The following RAB3C variants were observed in gnomAD, a reference collection of about 807,000 sequenced individuals.
RAB3C encodes ras-related protein Rab-3C.
RAB3C carries 17 observed loss-of-function variants against 26.4 expected under a neutral mutation model. The observed-to-expected ratio is 0.64, with a 90% confidence interval of 0.44 to 0.97. RAB3C has a LOEUF of 0.97. RAB3C is among the 50% of genes least tolerant of loss of function. The probability of loss-of-function intolerance (pLI) is 0.00; values close to 1 mark genes in which losing one functional copy is unlikely to be tolerated. For missense variants in RAB3C, 242 were observed against 281.9 expected (o/e 0.86, Z 1.01); for synonymous variants, 91 against 95.9 (o/e 0.95, Z 0.30).
At chr5:58,822,534 C>T (rs181654074) in intron 3 of RAB3C, 5 of 190,232 alleles carry the variant, frequency 2.6e-5, no homozygotes, top group Non-Finnish European at 5.7e-5. Context: ...AAGAATGAGG[C>T]CTATTTAAGA....
intron 4 of RAB3C, among the ~76,000 whole-genome samples, chr5:58,839,349 T>TTTATTTATTTATTTA (rs60911473): frequency 3.9e-4 from 39 of 98,854 alleles, no homozygotes; most frequent in African/African-American, 9.9e-4. Flanking sequence ...TAAGTTTTTA[T>TTTATTTATTTATTTA]TTTATTTATT....
At chr5:58,750,837 CCCT>C (rs1480441313) in intron 3 of RAB3C, among the ~76,000 whole-genome samples, 1 of 151,800 alleles carries the variant, frequency 6.6e-6, no homozygotes, top group African/African-American at 2.4e-5. Flanking sequence ...CTTCCTCCCT[CCCT>C]CATTTCCTTC....
chr5:58,843,669 A>G (rs1579949681), intron 4 of RAB3C, among the ~76,000 whole-genome samples: 1 of 152,220 alleles, frequency 6.6e-6, no homozygotes, highest in South Asian at 2.1e-4. Flanking sequence ...TTTCAGAAAT[A>G]TGTCTTTCCT....
intron 2 of RAB3C, among the ~76,000 whole-genome samples, chr5:58,693,075 C>T (rs765283792): frequency 2.7e-5 from 4 of 149,462 alleles, no homozygotes; most frequent in Non-Finnish European, 5.9e-5. Context: ...CTATTGCACT[C>T]CAGCCTGGGC....
chr5:58,793,429 C>T lies in RAB3C; in HGVS notation c.372-31609C>T, dbSNP rs534051749. ...AAAATTAGCTGGGCGTGGTGGCACACGCCTGTAGTCCCAGCTACTCAGGAG... is the reference window on the plus strand; with the variant it reads ...AAAATTAGCTGGGCGTGGTGGCACATGCCTGTAGTCCCAGCTACTCAGGAG... On this transcript the variant is annotated intron_variant, in intron 3 of 4. Coordinates refer to ENST00000282878, the MANE Select transcript of RAB3C (RefSeq NM_138453.4). Among the ~76,000 whole-genome samples, 5 of 151,668 alleles carry T rather than the reference C, an allele frequency of 3.3e-5. 1 individual carries two copies. The highest frequency in any genetic ancestry group is 4.2e-4 in the South Asian group (2 of 4,808).
At chr5:58,806,010 C>A (rs1157150038) in intron 3 of RAB3C, among the ~76,000 whole-genome samples, 1 of 152,186 alleles carries the variant, frequency 6.6e-6, no homozygotes, top group Admixed American at 6.5e-5. Context: ...TAGACAGATT[C>A]TTTGTAGCCA....
In RAB3C at chr5:58,722,664, A is replaced by T. The variant is rs576205334; in HGVS notation, c.253-3338A>T. ...CAGTCTTTTGAAGTTTGGTCCTGGC[A>T]TTTTATCCATATTGTCTACCTTTCT... On this transcript the variant is annotated intron_variant, in intron 2 of 4. Transcript: ENST00000282878. Among the ~76,000 whole-genome samples, 16 of 151,894 alleles carry T rather than the reference A, an allele frequency of 1.1e-4. No homozygotes were observed. In the South Asian group the frequency reaches 3.3e-3, roughly 31 times the overall value.
intron 2 of RAB3C, among the ~76,000 whole-genome samples, chr5:58,652,719 G>C (rs551586001): frequency 1.1e-4 from 16 of 150,278 alleles, no homozygotes; most frequent in Non-Finnish European, 7.4e-5. Flanking sequence ...AAAAACAAGA[G>C]AAAAGATGAA....
chr5:58,854,628 A>G lies in RAB3C; in HGVS notation c.*3277A>G, dbSNP rs1417761384. The G allele has an allele frequency of 6.6e-6, 1 of 152,170 alleles. No homozygotes were observed. 9.4% of individuals were successfully genotyped at this position (152,170 alleles called of 1,614,324 possible). A position where few individuals can be genotyped will look rare whatever the true frequency, so the allele number is the denominator to read the frequency against. On this transcript the variant is annotated 3_prime_UTR_variant, in exon 5 of 5. Coordinates refer to ENST00000282878, the MANE Select transcript of RAB3C (RefSeq NM_138453.4). ...CAACTGCCTTGATGAACTTCTAATG[A>G]CTGTGAAAGCTAGGAGGTTCTTCTA...
At chr5:58,714,250 T>TAA (rs1749122323) in intron 2 of RAB3C, among the ~76,000 whole-genome samples, 1 of 152,122 alleles carries the variant, frequency 6.6e-6, no homozygotes, top group Non-Finnish European at 1.5e-5. Context: ...AGATAGTGAT[T>TAA]AAAATGGAAC....
chr5:58,591,967 C>T (rs1307807710), intron 1 of RAB3C, among the ~76,000 whole-genome samples: 2 of 148,428 alleles, frequency 1.3e-5, no homozygotes, highest in East Asian at 2.0e-4. Context: ...GGCACGATCT[C>T]GGCTCACTGC....
chr5:58,582,939 T>G, upstream of RAB3C: 1 of 831,542 alleles, frequency 1.2e-6, no homozygotes, highest in Non-Finnish European at 1.7e-6. Context: ...TGTTTAATGG[T>G]TTGCTTGCTT....
At chr5:58,650,142 T>C (rs1335538378) in intron 2 of RAB3C, among the ~76,000 whole-genome samples, 3 of 152,198 alleles carry the variant, frequency 2.0e-5, no homozygotes, top group Non-Finnish European at 2.9e-5. Context: ...GGTTTACAAA[T>C]CCCAACTCAT....
intron 2 of RAB3C, among the ~76,000 whole-genome samples, chr5:58,675,886 T>C (rs949047946): frequency 1.3e-5 from 2 of 152,070 alleles, no homozygotes; most frequent in African/African-American, 4.8e-5. Context: ...CCTGGGTGGG[T>C]TCCTTTCCAT....
intron 3 of RAB3C, among the ~76,000 whole-genome samples, chr5:58,816,231 C>G (rs1743213127): frequency 6.6e-6 from 1 of 152,090 alleles, no homozygotes. Context: ...GAAAGAAATA[C>G]CCATAGCAAG....
chr5:58,651,896 A>G (rs1459013713), intron 2 of RAB3C, among the ~76,000 whole-genome samples: 2 of 152,208 alleles, frequency 1.3e-5, no homozygotes, highest in African/African-American at 4.8e-5. Context: ...AATCATCTCT[A>G]GATTACTTAT....
chr5:58,639,904 A>G (rs1197435965), intron 2 of RAB3C, among the ~76,000 whole-genome samples: 4 of 152,206 alleles, frequency 2.6e-5, no homozygotes, highest in African/African-American at 4.8e-5. Flanking sequence ...AATTGTAAAG[A>G]TGTTACCCTT....
chr5:58,848,357 A>G (rs1382802305), intron 4 of RAB3C: 2 of 152,194 alleles, frequency 1.3e-5, no homozygotes, highest in Admixed American at 1.3e-4. Context: ...AGTTTATGGT[A>G]TATTGTGATT....
At chr5:58,592,902 G>A (rs1746169619) in intron 1 of RAB3C, among the ~76,000 whole-genome samples, 1 of 152,032 alleles carries the variant, frequency 6.6e-6, no homozygotes, top group East Asian at 1.9e-4. Flanking sequence ...TTTATATTTA[G>A]TCAGATTGGC....
Sources: gnomAD v4.1 joint callset for allele counts (sites outside exome capture counted in the v4.1 genomes callset) on GRCh38, gnomAD v4.1.1 for gene constraint, MANE v1.5 for transcripts, NCBI Gene and HGNC (gene_info 2026-07-23, HGNC 2026-07-21) for gene names.